Variants in WDHD1 observed in about 807,000 individuals in gnomAD.
WDHD1 encodes WD repeat and HMG-box DNA-binding protein 1.
WDHD1 carries 111 observed loss-of-function variants against 135.4 expected under a neutral mutation model. That is an observed-to-expected ratio of 0.82 (90% CI 0.70 to 0.96). WDHD1 has a LOEUF of 0.96. Ranked by LOEUF, WDHD1 falls within the 40% of genes least tolerant of loss-of-function variation. WDHD1 has a pLI of 0.00. For synonymous variants in WDHD1, 434 were observed against 439.0 expected (o/e 0.99, Z 0.14); for missense variants, 1,351 against 1,336.3 (o/e 1.01, Z -0.17).
intron 16 of WDHD1, among the ~76,000 whole-genome samples, chr14:54,973,230 A>G (rs185340483): frequency 4.9e-4 from 75 of 151,804 alleles, no homozygotes; most frequent in Admixed American, 3.2e-3. Context: ...TAGCCTTTTA[A>G]TCAGGACATT....
intron 2 of WDHD1, among the ~76,000 whole-genome samples, chr14:55,015,863 TAA>T (rs2042253954): frequency 6.6e-6 from 1 of 152,072 alleles, no homozygotes; most frequent in Non-Finnish European, 1.5e-5. Flanking sequence ...CACACCCAGC[TAA>T]TCTTTGTGTT....
At chr14:55,015,847 C>T (rs1594592390) in intron 2 of WDHD1, among the ~76,000 whole-genome samples, 1 of 152,114 alleles carries the variant, frequency 6.6e-6, no homozygotes, top group African/African-American at 2.4e-5. Flanking sequence ...TGCAGGCGTG[C>T]GCCACCACAC....
At chr14:54,997,072 G>A (rs2140209730) in intron 10 of WDHD1, among the ~76,000 whole-genome samples, 1 of 141,592 alleles carries the variant, frequency 7.1e-6, no homozygotes, top group East Asian at 2.2e-4. Context: ...TTACAGGCGT[G>A]AGCCACAGCG....
intron 24 of WDHD1, among the ~76,000 whole-genome samples, chr14:54,953,173 T>C (rs2041091190): frequency 1.3e-5 from 2 of 151,946 alleles, no homozygotes; most frequent in African/African-American, 4.8e-5. Context: ...GAAACTACCA[T>C]CAGAGTGAAC....
At chr14:54,995,311 G>C (rs554726625) in intron 11 of WDHD1, among the ~76,000 whole-genome samples, 3 of 152,168 alleles carry the variant, frequency 2.0e-5, no homozygotes, top group Admixed American at 1.3e-4. Flanking sequence ...CCAGCTTTTG[G>C]TCTCATTGAC....
chr14:54,970,936 C>T (rs2041421588), intron 16 of WDHD1, among the ~76,000 whole-genome samples: 1 of 152,098 alleles, frequency 6.6e-6, no homozygotes, highest in South Asian at 2.1e-4. Context: ...AATAAAGCCA[C>T]ACACCTACAA....
intron 24 of WDHD1, among the ~76,000 whole-genome samples, chr14:54,951,345 T>C (rs2041049729): frequency 6.6e-6 from 1 of 151,974 alleles, no homozygotes; most frequent in African/African-American, 2.4e-5. Context: ...AAATACAAAC[T>C]ACCATCAAAG....
At chr14:54,946,546 T>C (rs551957541) in intron 24 of WDHD1, among the ~76,000 whole-genome samples, 45 of 152,244 alleles carry the variant, frequency 3.0e-4, no homozygotes, top group African/African-American at 9.9e-4. Flanking sequence ...AGTGCAGTGG[T>C]ATAATCAGCT....
At chr14:54,996,978 G>C (rs1038873973) in intron 10 of WDHD1, among the ~76,000 whole-genome samples, 1 of 151,844 alleles carries the variant, frequency 6.6e-6, no homozygotes, top group Non-Finnish European at 1.5e-5. Context: ...TTTTAGTAGA[G>C]ATGGGGTTTC....
chr14:54,989,128 G>A lies in WDHD1; in HGVS notation c.1426C>T (p.His476Tyr), dbSNP rs909563826. Residue 476 changes from histidine to tyrosine, a missense_variant, in exon 13 of 26, where the codon CAC (histidine) becomes TAC (tyrosine). By Grantham distance (83) the His-to-Tyr change is moderately conservative (BLOSUM62 2). Transcript: ENST00000360586. ...IDVEFHDTSI[H>Y]HATHLSNTLN... ...GTGTTTGATAAGTGTGTTGCATGGTGTATGGAGGTATCATGGAACTCCACA... is the reference window on the plus strand; with the variant it reads ...GTGTTTGATAAGTGTGTTGCATGGTATATGGAGGTATCATGGAACTCCACA... The A allele has an allele frequency of 3.7e-6, 6 of 1,613,492 alleles. No homozygotes were observed. Among genetic ancestry groups the A allele is most frequent in the Non-Finnish European group, 5.1e-6 (6 of 1,179,692 alleles).
chr14:55,012,264 C>G (rs1281808059), intron 3 of WDHD1, among the ~76,000 whole-genome samples: 3 of 152,138 alleles, frequency 2.0e-5, no homozygotes, highest in Non-Finnish European at 4.4e-5. Flanking sequence ...ATCTAAACAT[C>G]ATCTTATCTA....
At position 54,987,352 on chromosome 14, in the gene WDHD1, G is replaced by C. The variant is rs1310493128; in HGVS notation, c.1562C>G (p.Ser521Ter). ...LHCLHFSSWD[S>*]SKEWIIDLPQ... ...CAAGTCTATTATCCACTCTTTGCTT[G>C]AATCCCAAGAACTAAAGTGCAGGCA... Residue 521 changes from serine to a stop codon, truncating the protein, a stop_gained, in exon 14 of 26, where the codon TCA (serine) becomes TGA (stop). Coordinates refer to ENST00000360586, the MANE Select transcript of WDHD1 (RefSeq NM_007086.4). LOFTEE classifies it high-confidence loss of function. 1 of 1,613,690 alleles carries C rather than the reference G, an allele frequency of 6.2e-7. No homozygotes were observed. The highest frequency in any genetic ancestry group is 8.5e-7 in the Non-Finnish European group (1 of 1,179,906).
Position 55,000,926 on chromosome 14 carries a change from T to C in WDHD1, c.760A>G (p.Ile254Val). 6.3e-7 allele frequency: 1 copy of C among 1,593,392 alleles called. No individual in the cohort carries two copies. Among genetic ancestry groups the C allele is most frequent in the Non-Finnish European group, 8.5e-7 (1 of 1,170,982 alleles). ...YLAAGSINGL[I>V]IVWNVETKDC... is the part of the protein sequence containing the mutation. ...TTGGTTTCCACATTCCAAACTATGA[T>C]TAGACCATTAATACTACCTGCAGCT... The change falls in exon 9 of 26, where the codon ATC (isoleucine) becomes GTC (valine). Residue 254 changes from isoleucine to valine, a missense_variant. This residue lies in a region of WDHD1 where 1,330 missense variants were observed against 1,296.1 expected (regional missense o/e 1.03). Coordinates refer to ENST00000360586, the MANE Select transcript of WDHD1 (RefSeq NM_007086.4).
chr14:55,000,748 A>G (rs2041967196), intron 9 of WDHD1, 104 bp from the exon 10 acceptor site: 1 of 1,076,134 alleles, frequency 9.3e-7, no homozygotes, highest in Non-Finnish European at 1.2e-6. Flanking sequence ...ACTTTTGACA[A>G]TAATTTATAA....
At chr14:55,008,745 T>A (rs746615345) in intron 4 of WDHD1, 26 bp from the exon 5 acceptor site, 48 of 1,505,934 alleles carry the variant, frequency 3.2e-5, no homozygotes, top group Non-Finnish European at 4.2e-5. Flanking sequence ...GTAACGCAAA[T>A]GAATAAATGC....
chr14:54,957,010 A>G (rs1283970366), intron 23 of WDHD1, 24 bp downstream of exon 23: 2 of 1,607,406 alleles, frequency 1.2e-6, no homozygotes, highest in Non-Finnish European at 1.7e-6. Context: ...TGCTTACTGC[A>G]GATGAGGGTA....
intron 7 of WDHD1, among the ~76,000 whole-genome samples, chr14:55,003,775 G>T (rs180718514): frequency 1.2e-4 from 19 of 152,036 alleles, no homozygotes; most frequent in Non-Finnish European, 2.2e-4. Flanking sequence ...TGTTGGCCAG[G>T]CTGGTCTCGA....
At position 54,995,753 on chromosome 14, in the gene WDHD1, C is replaced by A; in HGVS notation, c.1003G>T (p.Ala335Ser). The change falls in exon 11 of 26, where the codon GCT becomes TCT. Residue 335 changes from alanine (A) to serine (S), a missense_variant. By Grantham distance (99) the Ala-to-Ser change is moderately conservative. Transcript: ENST00000360586. ...GCATTGTCATTTAGAAAATCACCAG[C>A]ATTACTCATATCATCTCCATCAAAA... is the stretch of plus-strand genomic sequence containing the variant. ...DLFDGDDMSN[A>S]GDFLNDNAVE... is the part of the protein sequence containing the mutation. 2.5e-6 allele frequency: 4 copies of A among 1,613,274 alleles called. No individual in the cohort carries two copies. Among genetic ancestry groups the A allele is most frequent in the Non-Finnish European group, 2.5e-6 (3 of 1,179,638 alleles).
intron 2 of WDHD1, among the ~76,000 whole-genome samples, chr14:55,023,977 A>G (rs2042391304): frequency 6.6e-6 from 1 of 152,206 alleles, no homozygotes; most frequent in Non-Finnish European, 1.5e-5. Flanking sequence ...TAAATGATAA[A>G]ATACGCTAGT....
Sources: allele counts gnomAD v4.1 joint callset (sites outside exome capture counted in the v4.1 genomes callset), GRCh38; gene constraint gnomAD v4.1.1; regional missense constraint gnomAD v4.1.1; transcripts MANE v1.5; gene names NCBI Gene and HGNC (gene_info 2026-07-23, HGNC 2026-07-21).